DYNC2LI1: variants seen among roughly 807,000 people sequenced by gnomAD.
DYNC2LI1 encodes the protein dynein cytoplasmic 2 light intermediate chain 1.
DYNC2LI1 carries 45 observed loss-of-function variants against 51.9 expected under a neutral mutation model. That is an observed-to-expected ratio of 0.87 (90% CI 0.68 to 1.11). DYNC2LI1 has a LOEUF of 1.11. Among genes scored for constraint, DYNC2LI1 ranks in the 50% most tolerant of loss-of-function variants. The pLI is 0.00. For synonymous variants in DYNC2LI1, 130 were observed against 137.8 expected, an observed-to-expected ratio of 0.94 and a Z score of 0.40; for missense variants, 490 against 417.4, an observed-to-expected ratio of 1.17 and a Z score of -1.51.
chr2:43,794,485 C>A lies in DYNC2LI1; in HGVS notation c.349C>A (p.Leu117Ile). Reference protein sequence around the residue: ...RTFSLVLVLDLSKPNDLWPTM... With the variant: ...RTFSLVLVLDISKPNDLWPTM... ...GTTTTCTCTTGTTCTCGTTCTGGAT[C>A]TTTCAAAACCTAATGATCTCTGGCC... Residue 117 changes from leucine (L) to isoleucine (I), a missense_variant, in exon 6 of 13, where the codon CTT becomes ATT. Coordinates refer to ENST00000260605, the MANE Select transcript of DYNC2LI1 (RefSeq NM_016008.4). 3 of 1,613,276 alleles carry A rather than the reference C, an allele frequency of 1.9e-6. No individual in the cohort carries two copies. Among genetic ancestry groups the A allele is most frequent in the Non-Finnish European group, 2.5e-6 (3 of 1,179,698 alleles).
At chr2:43,804,248 A>G (rs1388574595) in intron 10 of DYNC2LI1, among the ~76,000 whole-genome samples, 2 of 152,188 alleles carry the variant, frequency 1.3e-5, no homozygotes, top group African/African-American at 4.8e-5. Context: ...CCACTGATGA[A>G]TATTTTGGTT....
chr2:43,817,748 A>G, the DYNC2LI1 span, among the ~76,000 whole-genome samples: 1 of 152,058 alleles, frequency 6.6e-6, no homozygotes, highest in Non-Finnish European at 1.5e-5. Flanking sequence ...CGTCTCTACT[A>G]AAAATACAAA....
chr2:43,796,249 A>G (rs1674030646), intron 7 of DYNC2LI1, among the ~76,000 whole-genome samples: 1 of 151,746 alleles, frequency 6.6e-6, no homozygotes, highest in African/African-American at 2.4e-5. Flanking sequence ...GGGAGGATCA[A>G]TTGAGCCCAG....
intron 2 of DYNC2LI1, among the ~76,000 whole-genome samples, chr2:43,780,758 A>C (rs1438783213): frequency 1.3e-5 from 2 of 152,096 alleles, no homozygotes; most frequent in African/African-American, 2.4e-5. Context: ...TTACAGAGTT[A>C]GGAAATTCAG....
In DYNC2LI1 at chr2:43,787,291, G is replaced by A. The variant is rs768530546; in HGVS notation, c.231+41G>A. On this transcript the variant is annotated intron_variant, in intron 4 of 12. Transcript: ENST00000260605. Reference sequence around the variant, plus strand: ...AGTGACATTGCTATGCCCATAGATGGGAAAGTAATGCTGCTGACTTTGTTT... The same window carrying A: ...AGTGACATTGCTATGCCCATAGATGAGAAAGTAATGCTGCTGACTTTGTTT... 3.4e-6 allele frequency: 5 copies of A among 1,484,296 alleles called. No homozygotes were observed. In the South Asian group the frequency reaches 4.6e-5, roughly 14 times the overall value. The allele number at this position is 1,484,296 out of a possible 1,614,324, so 91.9% of individuals were successfully genotyped here. A position where few individuals can be genotyped will look rare whatever the true frequency, so the allele number is the denominator to read the frequency against.
intron 1 of DYNC2LI1, among the ~76,000 whole-genome samples, chr2:43,774,602 G>A (rs1672926388): frequency 1.3e-5 from 2 of 152,156 alleles, no homozygotes; most frequent in South Asian, 4.1e-4. Context: ...CTATATTCTA[G>A]CTGTTCAATT....
chr2:43,783,523 A>G lies in DYNC2LI1; in HGVS notation c.130A>G (p.Lys44Glu), dbSNP rs781697917. The G allele has an allele frequency of 6.5e-7, 1 of 1,531,336 alleles. No homozygotes were observed. Among genetic ancestry groups the G allele is most frequent in the Non-Finnish European group, 8.7e-7 (1 of 1,144,520 alleles). 94.9% of individuals were successfully genotyped at this position (1,531,336 alleles called of 1,614,324 possible). A position where few individuals can be genotyped will look rare whatever the true frequency, so the allele number is the denominator to read the frequency against. The change falls in exon 3 of 13, where the codon AAG (lysine) becomes GAG (glutamate). Residue 44 changes from lysine to glutamate, a missense_variant. Transcript: ENST00000260605. ...TTCCTTCTTTTTTAATTTCCAGGGA[A>G]AGACTACTATTATTCTAAGGTGTCT... The part of the protein sequence containing the change: ...VFFIGSKNGG[K>E]TTIILRCLDR...
chr2:43,816,903 C>A, the DYNC2LI1 span, among the ~76,000 whole-genome samples: 1 of 152,136 alleles, frequency 6.6e-6, no homozygotes, highest in African/African-American at 2.4e-5. Context: ...CACTTCTTCC[C>A]CCAAGAACTT....
chr2:43,804,607 A>G (rs763823382), intron 10 of DYNC2LI1, 35 bp from the exon 11 acceptor site: 23 of 1,301,532 alleles, frequency 1.8e-5, no homozygotes, highest in Non-Finnish European at 2.5e-5. Flanking sequence ...TATTTTAATC[A>G]TTGCAGTCAT....
intron 4 of DYNC2LI1, among the ~76,000 whole-genome samples, chr2:43,787,719 T>G (rs539426903): frequency 6.6e-6 from 1 of 152,290 alleles, no homozygotes; most frequent in Admixed American, 6.5e-5. Context: ...TAGAGGAACA[T>G]GATAAACTCT....
the DYNC2LI1 span, chr2:43,819,885 A>G: frequency 1.2e-6 from 2 of 1,611,500 alleles, no homozygotes; most frequent in African/African-American, 1.3e-5. Flanking sequence ...GATTATCCCA[A>G]TCTAAATTTT....
chr2:43,793,943 T>C (rs1200874166), intron 5 of DYNC2LI1: 1 of 153,210 alleles, frequency 6.5e-6, no homozygotes, highest in Non-Finnish European at 1.5e-5. Context: ...ATTTACTAAT[T>C]ATATAAATCT....
intron 5 of DYNC2LI1, among the ~76,000 whole-genome samples, chr2:43,792,083 A>G (rs941774841): frequency 1.3e-5 from 2 of 152,134 alleles, no homozygotes; most frequent in Non-Finnish European, 2.9e-5. Flanking sequence ...TTGAAACACA[A>G]CCATACCAAA....
intron 2 of DYNC2LI1, among the ~76,000 whole-genome samples, chr2:43,780,327 G>A (rs766886305): frequency 7.9e-5 from 12 of 152,164 alleles, no homozygotes; most frequent in Non-Finnish European, 7.3e-5. Context: ...TGAGAGCTCC[G>A]GATGTCAGGT....
At chr2:43,802,953 T>C (rs925316674) in intron 10 of DYNC2LI1, among the ~76,000 whole-genome samples, 1 of 152,032 alleles carries the variant, frequency 6.6e-6, no homozygotes, top group Non-Finnish European at 1.5e-5. Flanking sequence ...AAATGCAAAT[T>C]GAAACCACAA....
chr2:43,823,816 G>GA, the DYNC2LI1 span: 4 of 1,435,054 alleles, frequency 2.8e-6, no homozygotes, highest in Non-Finnish European at 3.8e-6. Flanking sequence ...TTAGCTCAGA[G>GA]AAAAACCCTT....
intron 1 of DYNC2LI1, among the ~76,000 whole-genome samples, chr2:43,776,038 C>G (rs1374069687): frequency 7.3e-5 from 11 of 151,494 alleles, no homozygotes; most frequent in Non-Finnish European, 1.2e-4. Flanking sequence ...TTCTTTTCTT[C>G]TTCTTCTTTT....
At chr2:43,822,840 A>C in the DYNC2LI1 span, 3 of 1,614,088 alleles carry the variant, frequency 1.9e-6, no homozygotes, top group Non-Finnish European at 2.5e-6. Flanking sequence ...ACAACGCTGA[A>C]GGGGAGGACG....
the DYNC2LI1 span, chr2:43,825,019 C>T: frequency 3.8e-5 from 62 of 1,613,444 alleles, no homozygotes; most frequent in Non-Finnish European, 5.0e-5. Flanking sequence ...TGTCAAAGAG[C>T]TGACCAGACA....
Sources: gnomAD v4.1 joint callset for allele counts (sites outside exome capture counted in the v4.1 genomes callset) on GRCh38, gnomAD v4.1.1 for gene constraint, MANE v1.5 for transcripts, NCBI Gene and HGNC (gene_info 2026-07-23, HGNC 2026-07-21) for gene names.